The following RBFOX1 variants were observed in gnomAD, a reference collection of about 807,000 sequenced individuals.
The protein encoded by RBFOX1 is RNA binding fox-1 homolog 1.
A neutral mutation model predicts 57.7 loss-of-function variants in RBFOX1; 8 were observed. That is an observed-to-expected ratio of 0.14 (90% CI 0.08 to 0.25). The LOEUF is 0.25. Among genes scored for constraint, RBFOX1 ranks in the 10% least tolerant of loss-of-function variants. RBFOX1 has a pLI of 1.00. For missense variants in RBFOX1, 611 were observed against 548.5 expected (o/e 1.11, Z -1.14); for synonymous variants, 326 against 222.4 (o/e 1.47, Z -4.15).
chr16:6,679,221 G>A (rs569263622), intron 3 of RBFOX1, among the ~76,000 whole-genome samples: 3 of 152,108 alleles, frequency 2.0e-5, no homozygotes, highest in Non-Finnish European at 2.9e-5. Context: ...CAGTTTTGAC[G>A]ATGACATGAA....
At chr16:5,749,043 G>GAT (rs1439642960) in intron 3 of RBFOX1, among the ~76,000 whole-genome samples, 1 of 152,154 alleles carries the variant, frequency 6.6e-6, no homozygotes, top group Non-Finnish European at 1.5e-5. Context: ...GCTTCCTTCA[G>GAT]GAGCTCTTTT....
At chr16:5,560,486 T>C (rs1477058908) in intron 2 of RBFOX1, among the ~76,000 whole-genome samples, 1 of 152,190 alleles carries the variant, frequency 6.6e-6, no homozygotes, top group African/African-American at 2.4e-5. Context: ...GTATTTTATT[T>C]CTCTGTAGAC....
chr16:7,314,601 G>A (rs1281136560), intron 4 of RBFOX1, among the ~76,000 whole-genome samples: 1 of 152,122 alleles, frequency 6.6e-6, no homozygotes, highest in Non-Finnish European at 1.5e-5. Context: ...GTGGCATCAC[G>A]GTCCTATTTG....
chr16:5,638,507 C>T (rs1245211550), intron 3 of RBFOX1, among the ~76,000 whole-genome samples: 1 of 152,164 alleles, frequency 6.6e-6, no homozygotes, highest in Non-Finnish European at 1.5e-5. Flanking sequence ...TAGGGATACT[C>T]ACCTGCCACC....
At chr16:6,966,139 T>C (rs1350591554) in intron 3 of RBFOX1, among the ~76,000 whole-genome samples, 1 of 152,134 alleles carries the variant, frequency 6.6e-6, no homozygotes, top group African/African-American at 2.4e-5. Flanking sequence ...TAAGGCATGG[T>C]TCCACTAAAA....
Position 5,723,597 on chromosome 16 carries a change from G to A in RBFOX1, c.318+124636G>A, listed in dbSNP as rs553774073. On this transcript the variant is annotated intron_variant, in intron 3 of 19. Coordinates refer to the RBFOX1 transcript ENST00000641259. ...ACAGGAAACTGTGGATTAAACAGTG[G>A]TTGTCTCAGGCTTGGGCTGGATGGT... is the stretch of plus-strand genomic sequence containing the variant. Among the ~76,000 whole-genome samples, 5 of 152,144 alleles carry A rather than the reference G, an allele frequency of 3.3e-5. No individual in the cohort carries two copies. In the South Asian group the frequency reaches 1.0e-3, roughly 32 times the overall value.
intron 3 of RBFOX1, among the ~76,000 whole-genome samples, chr16:6,805,150 A>G (rs1333968808): frequency 6.6e-6 from 1 of 152,228 alleles, no homozygotes; most frequent in Non-Finnish European, 1.5e-5. Flanking sequence ...CTAAAGGCCC[A>G]GCAATAACAG....
intron 3 of RBFOX1, among the ~76,000 whole-genome samples, chr16:6,738,552 A>G (rs1568413053): frequency 6.6e-6 from 1 of 152,196 alleles, no homozygotes; most frequent in Non-Finnish European, 1.5e-5. Context: ...GTAAACCTCA[A>G]CATCCATCTC....
chr16:6,332,304 C>T (rs1476305917), intron 2 of RBFOX1, among the ~76,000 whole-genome samples: 1 of 152,128 alleles, frequency 6.6e-6, no homozygotes, highest in Non-Finnish European at 1.5e-5. Context: ...ATGTACCTGT[C>T]ACTGTGTGAG....
chr16:5,675,734 A>T (rs766073069), intron 3 of RBFOX1, among the ~76,000 whole-genome samples: 67 of 152,118 alleles, frequency 4.4e-4, no homozygotes, highest in Non-Finnish European at 9.1e-4. Context: ...GATTAATAGC[A>T]TCTGTTCTAG....
intron 3 of RBFOX1, among the ~76,000 whole-genome samples, chr16:6,665,197 G>T (rs2098724157): frequency 6.6e-6 from 1 of 152,172 alleles, no homozygotes; most frequent in Non-Finnish European, 1.5e-5. Flanking sequence ...GCTTAGTAAA[G>T]TTCCTGGATG....
intron 3 of RBFOX1, among the ~76,000 whole-genome samples, chr16:6,655,388 A>C (rs937296591): frequency 2.3e-4 from 30 of 130,760 alleles, no homozygotes; most frequent in African/African-American, 7.7e-4. Flanking sequence ...AAAAAAAAAA[A>C]AAAAAAAAAA....
chr16:6,512,434 G>C (rs1706513299), intron 2 of RBFOX1, among the ~76,000 whole-genome samples: 1 of 152,092 alleles, frequency 6.6e-6, no homozygotes, highest in Admixed American at 6.5e-5. Flanking sequence ...TCAGGCCTTG[G>C]ACATGTTTTT....
chr16:7,165,313 T>G (rs2079192032), intron 4 of RBFOX1, among the ~76,000 whole-genome samples: 1 of 151,308 alleles, frequency 6.6e-6, no homozygotes, highest in South Asian at 2.1e-4. Flanking sequence ...CCATGCACCC[T>G]GGAATGGGCT....
At chr16:7,082,183 C>G (rs1264822025) in intron 4 of RBFOX1, among the ~76,000 whole-genome samples, 4 of 152,142 alleles carry the variant, frequency 2.6e-5, no homozygotes, top group Non-Finnish European at 5.9e-5. Context: ...GATATTTTAG[C>G]TACTGCAACA....
In RBFOX1 at chr16:5,255,050, C is replaced by A. The variant is rs2062549538; in HGVS notation, c.219+14945C>A. Among the ~76,000 whole-genome samples the A allele has an allele frequency of 2.6e-5, 4 of 152,284 alleles. No homozygotes were observed. In the South Asian group the frequency reaches 8.3e-4, roughly 32 times the overall value. On this transcript the variant is annotated intron_variant, in intron 1 of 2. Coordinates refer to the RBFOX1 transcript ENST00000585867. ...AGCCAGTTGATTATTGGTTGCCCAGCTGTCATCAGATCAACATCTTCTGTT... is the reference window on the plus strand; with the variant it reads ...AGCCAGTTGATTATTGGTTGCCCAGATGTCATCAGATCAACATCTTCTGTT...
intron 4 of RBFOX1, among the ~76,000 whole-genome samples, chr16:7,420,420 G>C (rs1568790389): frequency 6.6e-6 from 1 of 152,130 alleles, no homozygotes; most frequent in African/African-American, 2.4e-5. Context: ...AATAAAAACA[G>C]GAGCAAAAAG....
chr16:5,939,629 T>C (rs1265753610), intron 4 of RBFOX1, among the ~76,000 whole-genome samples: 1 of 152,220 alleles, frequency 6.6e-6, no homozygotes, highest in Admixed American at 6.5e-5. Context: ...ACTGTCACTT[T>C]TTCCATATTC....
intron 12 of RBFOX1, 160 bp from the exon 13 acceptor site, chr16:7,664,769 T>C: frequency 1.5e-6 from 2 of 1,311,372 alleles, no homozygotes; most frequent in Non-Finnish European, 2.1e-6. Context: ...TTTGCTCAAC[T>C]GCCGTTGTCT....
Sources: allele counts gnomAD v4.1 joint callset (sites outside exome capture counted in the v4.1 genomes callset), GRCh38; gene constraint gnomAD v4.1.1; transcripts MANE v1.5; gene names NCBI Gene and HGNC (gene_info 2026-07-23, HGNC 2026-07-21).